The following PACRG variants were observed in gnomAD, a reference collection of about 807,000 sequenced individuals.
The protein encoded by PACRG is parkin coregulated, also known as parkin coregulated gene protein.
A neutral mutation model predicts 29.7 loss-of-function variants in PACRG; 29 were observed. The observed-to-expected ratio is 0.98, with a 90% CI of 0.73 to 1.33. The LOEUF is 1.33. Among genes scored for constraint, PACRG ranks in the 40% most tolerant of loss-of-function variants. The pLI, the probability that PACRG is intolerant of heterozygous loss-of-function variation, is 0.00. For synonymous variants in PACRG, 116 were observed against 118.7 expected, an observed-to-expected ratio of 0.98 and a Z score of 0.15; for missense variants, 279 against 316.2, an observed-to-expected ratio of 0.88 and a Z score of 0.89.
chr6:162,856,252 T>C (rs1400231986), intron 2 of PACRG, among the ~76,000 whole-genome samples: 1 of 151,986 alleles, frequency 6.6e-6, no homozygotes, highest in Non-Finnish European at 1.5e-5. Context: ...AGAGATAGGG[T>C]CTCACTCTTT....
intron 2 of PACRG, among the ~76,000 whole-genome samples, chr6:162,916,830 C>T (rs1019403040): frequency 5.9e-5 from 9 of 151,754 alleles, no homozygotes; most frequent in Non-Finnish European, 8.8e-5. Flanking sequence ...TCAAGAGACG[C>T]AATGATGAAT....
At chr6:162,968,953 A>T (rs143647920) in intron 2 of PACRG, among the ~76,000 whole-genome samples, 6,439 of 147,994 alleles carry the variant, frequency 0.044, 203 homozygotes, top group Non-Finnish European at 0.067. Flanking sequence ...AGGCTGAGGC[A>T]GGAGAATCGC....
intron 4 of PACRG, chr6:163,244,822 G>A (rs1782631518): frequency 7.6e-6 from 2 of 263,144 alleles, no homozygotes; most frequent in South Asian, 4.4e-5. Flanking sequence ...GCCAGAACAT[G>A]AGATTTTTAA....
At chr6:163,250,700 A>T (rs1424163728) in intron 4 of PACRG, among the ~76,000 whole-genome samples, 1 of 152,218 alleles carries the variant, frequency 6.6e-6, no homozygotes, top group East Asian at 1.9e-4. Flanking sequence ...TATTAGAAAA[A>T]GATACTTGCA....
intron 2 of PACRG, among the ~76,000 whole-genome samples, chr6:162,916,843 A>G (rs1796729160): frequency 6.6e-6 from 1 of 151,934 alleles, no homozygotes. Context: ...TGATGAATGG[A>G]GCTGGCCCAG....
intron 4 of PACRG, among the ~76,000 whole-genome samples, chr6:163,116,474 G>A (rs1326602248): frequency 6.6e-6 from 1 of 152,118 alleles, no homozygotes; most frequent in African/African-American, 2.4e-5. Context: ...GATGTGTCTG[G>A]GTGGAAGTGA....
intron 4 of PACRG, among the ~76,000 whole-genome samples, chr6:163,119,418 G>C (rs1361891994): frequency 6.6e-6 from 1 of 152,214 alleles, no homozygotes; most frequent in East Asian, 1.9e-4. Flanking sequence ...GACGTAAATA[G>C]TAAAGAAATT....
chr6:163,311,339 A>G (rs957525716), intron 4 of PACRG, among the ~76,000 whole-genome samples: 37 of 152,258 alleles, frequency 2.4e-4, no homozygotes. Flanking sequence ...GCTCCCAGAC[A>G]TAAAATCCAC....
At chr6:162,942,165 A>C (rs1332849269) in intron 2 of PACRG, among the ~76,000 whole-genome samples, 1 of 152,222 alleles carries the variant, frequency 6.6e-6, no homozygotes, top group Non-Finnish European at 1.5e-5. Context: ...TTGAAATCAT[A>C]GTTTCTTTAA....
intron 4 of PACRG, among the ~76,000 whole-genome samples, chr6:163,250,568 G>A (rs1782863253): frequency 6.6e-6 from 1 of 152,200 alleles, no homozygotes; most frequent in African/African-American, 2.4e-5. Context: ...AGCAAACAGT[G>A]ACAGTTTGAC....
At chr6:163,153,277 C>T (rs1358062711) in intron 4 of PACRG, among the ~76,000 whole-genome samples, 2 of 152,188 alleles carry the variant, frequency 1.3e-5, no homozygotes. Flanking sequence ...TCAATAAACT[C>T]TACTCTTACA....
At chr6:162,976,585 T>C (rs897590563) in intron 2 of PACRG, among the ~76,000 whole-genome samples, 11 of 152,182 alleles carry the variant, frequency 7.2e-5, no homozygotes, top group African/African-American at 2.4e-4. Context: ...GATGTAGAGA[T>C]GGAACAGCAG....
chr6:163,057,275 T>G (rs983123536), intron 2 of PACRG, among the ~76,000 whole-genome samples: 1 of 152,200 alleles, frequency 6.6e-6, no homozygotes, highest in Non-Finnish European at 1.5e-5. Context: ...AGTATCCAAA[T>G]TTTTTGGTCT....
At chr6:163,275,137 G>A (rs138425739) in intron 4 of PACRG, among the ~76,000 whole-genome samples, 1,692 of 152,066 alleles carry the variant, frequency 0.011, 34 homozygotes, top group African/African-American at 0.039. Flanking sequence ...GCCTCCCAAA[G>A]TGCTGGTATT....
At chr6:162,947,911 A>G (rs1799363596) in intron 2 of PACRG, among the ~76,000 whole-genome samples, 1 of 151,652 alleles carries the variant, frequency 6.6e-6, no homozygotes. Context: ...GAGGACACAA[A>G]CAAAGGTCAC....
intron 4 of PACRG, among the ~76,000 whole-genome samples, chr6:163,134,203 G>A (rs1198788726): frequency 6.6e-6 from 1 of 152,154 alleles, no homozygotes; most frequent in East Asian, 1.9e-4. Context: ...GAAAAGCACA[G>A]GAGTAAGAAA....
intron 2 of PACRG, among the ~76,000 whole-genome samples, chr6:163,050,931 A>C (rs1044471479): frequency 4.6e-5 from 7 of 152,138 alleles, no homozygotes; most frequent in Admixed American, 2.6e-4. Flanking sequence ...GTTGCTTCAA[A>C]TATTGCCTTT....
Position 163,000,784 on chromosome 6 carries a change from A to G in PACRG, c.292-61366A>G, listed in dbSNP as rs528505531. Among the ~76,000 whole-genome samples, 3 of 152,240 alleles carry G rather than the reference A, an allele frequency of 2.0e-5. 1 individual carries two copies. In the South Asian group the frequency reaches 6.2e-4, roughly 32 times the overall value. On this transcript the variant is annotated intron_variant, in intron 2 of 4. Coordinates refer to ENST00000366888, the MANE Select transcript of PACRG (RefSeq NM_001080379.2). ...ACTCCTATGCTGCAGGCTCTGTGTT[A>G]GAAAAGGAAGACACAACAATGAAAG...
chr6:163,291,041 G>A (rs1784582542), intron 4 of PACRG, among the ~76,000 whole-genome samples: 1 of 152,200 alleles, frequency 6.6e-6, no homozygotes, highest in African/African-American at 2.4e-5. Flanking sequence ...TACCTCAAAT[G>A]CCGGTGTTCC....
Sources: gnomAD v4.1 joint callset for allele counts (sites outside exome capture counted in the v4.1 genomes callset) on GRCh38, gnomAD v4.1.1 for gene constraint, MANE v1.5 for transcripts, NCBI Gene and HGNC (gene_info 2026-07-23, HGNC 2026-07-21) for gene names.